Variants in DISC1 observed in about 807,000 individuals in gnomAD.
DISC1 encodes the protein DISC1 scaffold protein.
A neutral mutation model predicts 84.5 loss-of-function variants in DISC1; 57 were observed. The observed-to-expected ratio is 0.67, with a 90% CI of 0.55 to 0.84. The LOEUF (loss-of-function observed/expected upper bound fraction) is 0.84. Among genes scored for constraint, DISC1 ranks in the 40% least tolerant of loss-of-function variants. The pLI is 0.00. For missense variants in DISC1, 1,000 were observed against 1,057.8 expected (o/e 0.95, Z 0.76); for synonymous variants, 411 against 415.2 (o/e 0.99, Z 0.12).
At chr1:231,866,839 G>T (rs1432320664) in intron 9 of DISC1, 3 of 801,618 alleles carry the variant, frequency 3.7e-6, no homozygotes, top group African/African-American at 3.5e-5. Context: ...TTGTCATTGC[G>T]GTTCTCTGAA....
At chr1:231,743,599 G>C (rs2073600859) in intron 3 of DISC1, among the ~76,000 whole-genome samples, 1 of 152,178 alleles carries the variant, frequency 6.6e-6, no homozygotes, top group Non-Finnish European at 1.5e-5. Flanking sequence ...TTGAACGCTT[G>C]GTGTCAGTTA....
chr1:231,757,236 C>A (rs543336490), intron 4 of DISC1, among the ~76,000 whole-genome samples: 4 of 152,234 alleles, frequency 2.6e-5, no homozygotes, highest in Non-Finnish European at 4.4e-5. Flanking sequence ...TATTGCAAAA[C>A]CACGTGTACA....
intron 9 of DISC1, among the ~76,000 whole-genome samples, chr1:231,828,035 G>A (rs1425052753): frequency 6.6e-6 from 1 of 152,092 alleles, no homozygotes; most frequent in Non-Finnish European, 1.5e-5. Flanking sequence ...GACACACTTT[G>A]CTTTTTGGTT....
chr1:231,979,015 C>A (rs1353249256), intron 10 of DISC1, among the ~76,000 whole-genome samples: 3 of 152,162 alleles, frequency 2.0e-5, no homozygotes. Context: ...CATATTACTG[C>A]CTGAGCTCCG....
At chr1:231,873,329 C>T (rs865955929) in intron 9 of DISC1, among the ~76,000 whole-genome samples, 6 of 152,280 alleles carry the variant, frequency 3.9e-5, no homozygotes, top group Middle Eastern at 3.4e-3. Context: ...AAGAGGTCAT[C>T]GATTTATAGT....
At chr1:231,815,745 A>AT (rs1473039394) in intron 8 of DISC1, among the ~76,000 whole-genome samples, 1 of 151,624 alleles carries the variant, frequency 6.6e-6, no homozygotes, top group African/African-American at 2.4e-5. Context: ...TCTCAAAAAA[A>AT]AAAAAAAGAA....
chr1:232,025,915 G>C (rs574262568), intron 11 of DISC1, among the ~76,000 whole-genome samples: 1 of 152,076 alleles, frequency 6.6e-6, no homozygotes, highest in African/African-American at 2.4e-5. Context: ...TGGTGGTAGC[G>C]GCGGCTCTAT....
chr1:231,709,689 TCTC>T (rs1335852427), intron 3 of DISC1, among the ~76,000 whole-genome samples: 1 of 152,132 alleles, frequency 6.6e-6, no homozygotes, highest in Admixed American at 6.6e-5. Flanking sequence ...ATTTTTTTTC[TCTC>T]CTCTATGTCC....
intron 10 of DISC1, among the ~76,000 whole-genome samples, chr1:231,981,483 G>A (rs1663599791): frequency 6.6e-6 from 1 of 152,084 alleles, no homozygotes; most frequent in Non-Finnish European, 1.5e-5. Flanking sequence ...CCTCAACTGG[G>A]GGCTAACAAT....
At chr1:231,921,346 A>G (rs1234655747) in intron 9 of DISC1, among the ~76,000 whole-genome samples, 2 of 152,202 alleles carry the variant, frequency 1.3e-5, no homozygotes, top group Non-Finnish European at 2.9e-5. Context: ...TGTGGGCACC[A>G]TAACATCTAC....
intron 4 of DISC1, among the ~76,000 whole-genome samples, chr1:231,755,477 T>C (rs1428640770): frequency 6.6e-6 from 1 of 152,218 alleles, no homozygotes; most frequent in Non-Finnish European, 1.5e-5. Context: ...TTCCCAAATT[T>C]CTATCTCTAG....
At chr1:231,868,691 CTTAT>C (rs1315231676) in intron 9 of DISC1, among the ~76,000 whole-genome samples, 21 of 90,200 alleles carry the variant, frequency 2.3e-4, no homozygotes, top group African/African-American at 8.2e-4. Context: ...GACCCCATCT[CTTAT>C]ATATATATAT....
chr1:231,746,188 A>T (rs1381969686), intron 3 of DISC1, among the ~76,000 whole-genome samples: 2 of 152,246 alleles, frequency 1.3e-5, no homozygotes, highest in Non-Finnish European at 2.9e-5. Context: ...TAGCTTCCAC[A>T]TATGAGTGAA....
intron 9 of DISC1, among the ~76,000 whole-genome samples, chr1:231,887,361 G>A (rs1163799297): frequency 1.3e-5 from 2 of 152,016 alleles, no homozygotes; most frequent in African/African-American, 2.4e-5. Context: ...GCCAACCTCT[G>A]TTCTCCCTGG....
At chr1:231,691,494 C>T (rs1190980191) in intron 1 of DISC1, among the ~76,000 whole-genome samples, 1 of 151,996 alleles carries the variant, frequency 6.6e-6, no homozygotes, top group African/African-American at 2.4e-5. Flanking sequence ...GCCCTCAGGC[C>T]TTGGAAAAGA....
intron 10 of DISC1, among the ~76,000 whole-genome samples, chr1:231,980,621 G>A (rs116695681): frequency 6.6e-6 from 1 of 152,156 alleles, no homozygotes; most frequent in African/African-American, 2.4e-5. Flanking sequence ...AGTAATTGAT[G>A]TTCCAGTAAG....
intron 9 of DISC1, among the ~76,000 whole-genome samples, chr1:231,927,664 G>A (rs2126096351): frequency 6.6e-6 from 1 of 152,312 alleles, no homozygotes; most frequent in East Asian, 1.9e-4. Flanking sequence ...CTTGGAATAC[G>A]AAGGAAGTCA....
At chr1:232,012,313 AC>A (rs1273735198) in intron 11 of DISC1, among the ~76,000 whole-genome samples, 1 of 152,300 alleles carries the variant, frequency 6.6e-6, no homozygotes. Flanking sequence ...AGTGGAAGAT[AC>A]CCAGTCAGAG....
At chr1:231,819,261 T>A in intron 9 of DISC1, 1 of 639,260 alleles carries the variant, frequency 1.6e-6, no homozygotes, top group Non-Finnish European at 2.0e-6. Flanking sequence ...TATGCTTATT[T>A]AAGAAGAAAT....
Sources: gnomAD v4.1 joint callset for allele counts (sites outside exome capture counted in the v4.1 genomes callset) on GRCh38, gnomAD v4.1.1 for gene constraint, MANE v1.5 for transcripts, NCBI Gene and HGNC (gene_info 2026-07-23, HGNC 2026-07-21) for gene names.